The following MEGF11 variants were observed in gnomAD, a reference collection of about 807,000 sequenced individuals.
MEGF11 encodes multiple epidermal growth factor-like domains protein 11.
Under a neutral mutation model 146.6 loss-of-function variants are expected in MEGF11, and 126 were observed. That is an observed-to-expected ratio of 0.86 (90% CI 0.74 to 1.00). The LOEUF (loss-of-function observed/expected upper bound fraction) is 1.00, where lower values mean the gene tolerates loss of function less well. Among genes scored for constraint, MEGF11 ranks in the 50% least tolerant of loss-of-function variants. The pLI, the probability that MEGF11 is intolerant of heterozygous loss-of-function variation, is 0.00. For missense variants in MEGF11, 1,509 were observed against 1,521.2 expected, an observed-to-expected ratio of 0.99 and a Z score of 0.13; for synonymous variants, 532 against 583.4, an observed-to-expected ratio of 0.91 and a Z score of 1.27.
At chr15:66,009,053 A>G (rs1413714348) in intron 5 of MEGF11, among the ~76,000 whole-genome samples, 1 of 152,124 alleles carries the variant, frequency 6.6e-6, no homozygotes, top group Admixed American at 6.5e-5. Flanking sequence ...TTTCACTCTT[A>G]CATTCTAGGA....
chr15:66,118,554 C>T (rs2087848209), intron 4 of MEGF11, among the ~76,000 whole-genome samples: 1 of 152,208 alleles, frequency 6.6e-6, no homozygotes, highest in Admixed American at 6.5e-5. Context: ...TGGAAATCCT[C>T]CCAGCTCCCG....
At chr15:65,915,648 T>C in intron 18 of MEGF11, 50 bp from the exon 19 acceptor site, 1 of 1,593,800 alleles carries the variant, frequency 6.3e-7, no homozygotes, top group Non-Finnish European at 8.6e-7. Context: ...TCTCCACCCC[T>C]CCCCTTCCAT....
intron 5 of MEGF11, among the ~76,000 whole-genome samples, chr15:66,054,731 C>T (rs1248674866): frequency 2.6e-5 from 4 of 152,134 alleles, no homozygotes; most frequent in Admixed American, 2.0e-4. Flanking sequence ...TTTAAACACA[C>T]AGTCATTGAG....
intron 1 of MEGF11, among the ~76,000 whole-genome samples, chr15:66,222,141 C>T (rs138230237): frequency 3.3e-5 from 5 of 152,122 alleles, no homozygotes; most frequent in Non-Finnish European, 7.4e-5. Context: ...TGTTAGGAGG[C>T]CTTGAGGACA....
intron 24 of MEGF11, chr15:65,905,868 G>T (rs2141157017): frequency 2.3e-6 from 1 of 438,190 alleles, no homozygotes; most frequent in Non-Finnish European, 4.0e-6. Context: ...TTGCTAAGCA[G>T]GTGCAACTGA....
intron 4 of MEGF11, among the ~76,000 whole-genome samples, chr15:66,103,922 C>T (rs756434848): frequency 6.6e-5 from 10 of 152,170 alleles, no homozygotes; most frequent in East Asian, 1.9e-4. Flanking sequence ...ATTTCACAGC[C>T]GCAGCTTTTT....
chr15:65,898,226 T>C (rs1446543671), intron 25 of MEGF11, 132 bp from the exon 26 acceptor site: 4 of 1,442,508 alleles, frequency 2.8e-6, no homozygotes, highest in East Asian at 5.0e-5. Context: ...TACATGAGGG[T>C]TAGGACTGAG....
intron 19 of MEGF11, 100 bp from the exon 20 acceptor site, chr15:65,914,073 G>T: frequency 2.2e-6 from 2 of 896,208 alleles, no homozygotes; most frequent in East Asian, 2.6e-5. Flanking sequence ...AATGTTAGGA[G>T]ATCTGGTTCT....
intron 5 of MEGF11, among the ~76,000 whole-genome samples, chr15:66,062,125 G>A (rs2084931171): frequency 6.6e-6 from 1 of 152,214 alleles, no homozygotes; most frequent in African/African-American, 2.4e-5. Context: ...TGATATATGA[G>A]CAATCAAATG....
chr15:66,066,953 G>A (rs2085155345), intron 5 of MEGF11, among the ~76,000 whole-genome samples: 1 of 152,220 alleles, frequency 6.6e-6, no homozygotes. Flanking sequence ...CCGTGTGAGG[G>A]TGGAGCGTGG....
intron 10 of MEGF11, among the ~76,000 whole-genome samples, chr15:65,940,932 C>G (rs887566138): frequency 6.6e-6 from 1 of 152,212 alleles, no homozygotes; most frequent in Non-Finnish European, 1.5e-5. Context: ...AGGTTTTATT[C>G]AAATGACAGT....
At chr15:65,951,433 T>C (rs942124081) in intron 10 of MEGF11, among the ~76,000 whole-genome samples, 2 of 152,286 alleles carry the variant, frequency 1.3e-5, no homozygotes, top group East Asian at 3.9e-4. Context: ...AAGCCTGTAA[T>C]CCCAGCACTT....
At chr15:66,183,215 G>T (rs1030125952) in intron 1 of MEGF11, among the ~76,000 whole-genome samples, 3 of 152,224 alleles carry the variant, frequency 2.0e-5, no homozygotes, top group Non-Finnish European at 4.4e-5. Flanking sequence ...AGATACACAC[G>T]GTGGCTGGGC....
chr15:66,142,079 G>A (rs1350723641), intron 1 of MEGF11, among the ~76,000 whole-genome samples: 1 of 152,170 alleles, frequency 6.6e-6, no homozygotes, highest in Non-Finnish European at 1.5e-5. Context: ...AGAGGATGTG[G>A]AGTTTATTTT....
intron 1 of MEGF11, among the ~76,000 whole-genome samples, chr15:66,178,417 C>T (rs1045669727): frequency 2.0e-5 from 3 of 152,186 alleles, no homozygotes; most frequent in South Asian, 2.1e-4. Context: ...TGAAAACTTG[C>T]TCTTCCTATT....
rs1172824600 is a variant in MEGF11 at position 65,897,436 on chromosome 15, GT to G, written c.*497del. Reference sequence around the variant, plus strand: ...AGATATGTACAGACATTTTAAGACTGTTCTGTTTAAGAACAGTTCATGTCTG... The same window carrying G: ...AGATATGTACAGACATTTTAAGACTGTCTGTTTAAGAACAGTTCATGTCTG... On this transcript the variant is annotated 3_prime_UTR_variant, in exon 26 of 26. Transcript: ENST00000395614. The G allele has an allele frequency of 6.6e-6, 1 of 152,212 alleles. No individual in the cohort carries two copies. Among genetic ancestry groups the G allele is most frequent in the African/African-American group, 2.4e-5 (1 of 41,410 alleles). 9.4% of individuals were successfully genotyped at this position (152,212 alleles called of 1,614,324 possible).
intron 1 of MEGF11, among the ~76,000 whole-genome samples, chr15:66,240,031 C>T (rs2092177843): frequency 1.3e-5 from 2 of 152,340 alleles, no homozygotes; most frequent in Non-Finnish European, 2.9e-5. Context: ...GGCTGGCATT[C>T]GCTTTTCCTC....
chr15:66,133,207 CAA>C (rs142561617), intron 1 of MEGF11, among the ~76,000 whole-genome samples: 5,278 of 152,298 alleles, frequency 0.035, 321 homozygotes, highest in African/African-American at 0.12. Flanking sequence ...GAGAGCAATT[CAA>C]AGACTCCTGC....
At chr15:66,014,684 A>G (rs965823032) in intron 5 of MEGF11, among the ~76,000 whole-genome samples, 1 of 152,104 alleles carries the variant, frequency 6.6e-6, no homozygotes, top group Non-Finnish European at 1.5e-5. Context: ...CCACCCCACC[A>G]TTCCCCAACA....
Sources: gnomAD v4.1 joint callset for allele counts (sites outside exome capture counted in the v4.1 genomes callset) on GRCh38, gnomAD v4.1.1 for gene constraint, MANE v1.5 for transcripts, NCBI Gene and HGNC (gene_info 2026-07-23, HGNC 2026-07-21) for gene names.